The following HEATR5A variants were observed in gnomAD, a reference collection of about 807,000 sequenced individuals.
HEATR5A encodes the protein HEAT repeat-containing protein 5A.
Under a neutral mutation model 218.8 loss-of-function variants are expected in HEATR5A, and 178 were observed. That is an observed-to-expected ratio of 0.81 (90% CI 0.72 to 0.92). The LOEUF (loss-of-function observed/expected upper bound fraction) is 0.92. Ranked by LOEUF, HEATR5A falls within the 40% of genes least tolerant of loss-of-function variation. The pLI is 0.00. For missense variants in HEATR5A, 2,420 were observed against 2,418.9 expected, an observed-to-expected ratio of 1.00 and a Z score of -0.01; for synonymous variants, 864 against 871.6, an observed-to-expected ratio of 0.99 and a Z score of 0.15.
At chr14:31,348,498 G>C (rs1901095097) in intron 18 of HEATR5A, among the ~76,000 whole-genome samples, 1 of 152,116 alleles carries the variant, frequency 6.6e-6, no homozygotes, top group African/African-American at 2.4e-5. Flanking sequence ...CTGGAGTATT[G>C]CTGGAGTCCA....
chr14:31,305,295 C>T, intron 31 of HEATR5A, 118 bp from the exon 32 acceptor site: 4 of 1,037,898 alleles, frequency 3.9e-6, no homozygotes, highest in East Asian at 2.6e-5. Flanking sequence ...CAGAGTCTCG[C>T]TCTGTCACAC....
At position 31,394,691 on chromosome 14, in the gene HEATR5A, A is replaced by G. The variant is rs986470074; in HGVS notation, c.598-465T>C. ...AAATTAGCTGGGCATGGTGGCAGGC[A>G]CCTGTAGTCCTGGCTACTCAGGAGG... On this transcript the variant is annotated intron_variant, in intron 5 of 35. Transcript: ENST00000543095. Among the ~76,000 whole-genome samples, 6 of 152,110 alleles carry G rather than the reference A, an allele frequency of 3.9e-5. 1 individual carries two copies. The South Asian group carries it at 6.2e-4, about 16-fold the overall frequency.
Position 31,306,832 on chromosome 14 carries a change from G to A in HEATR5A, c.4866C>T (p.Thr1622=). The A allele has an allele frequency of 6.2e-7, 1 of 1,613,368 alleles. No individual in the cohort carries two copies. Among genetic ancestry groups the A allele is most frequent in the South Asian group, 1.1e-5 (1 of 91,016 alleles). The change falls in exon 31 of 36, where the codon ACC becomes ACT. Residue 1622 remains threonine, a synonymous_variant. Transcript: ENST00000543095. ...LLNVLHRVIL[T]RESPSIQLAS... Reference sequence around the variant, plus strand: ...CCAACTGAATGGAAGGTGATTCTCTGGTTAAAATTACTCGATGTAGAACAT... The same window carrying A: ...CCAACTGAATGGAAGGTGATTCTCTAGTTAAAATTACTCGATGTAGAACAT...
intron 21 of HEATR5A, among the ~76,000 whole-genome samples, chr14:31,337,818 T>C (rs1188133838): frequency 2.0e-5 from 3 of 152,180 alleles, no homozygotes; most frequent in Non-Finnish European, 1.5e-5. Flanking sequence ...ATAGGTAATA[T>C]GTGTACTAGA....
chr14:31,396,762 A>G (rs2030670384), intron 4 of HEATR5A, among the ~76,000 whole-genome samples: 1 of 152,236 alleles, frequency 6.6e-6, no homozygotes, highest in South Asian at 2.1e-4. Flanking sequence ...TACCTGATCA[A>G]CTAAATCAAA....
rs555563953 is a variant in HEATR5A, at chr14:31,343,080, T to C, written c.3228+816A>G. ...CAAGTCCAGATAGAAACTGGTGACA[T>C]GGTAAATCTTTTTTTTTTTTTTTTT... is the stretch of plus-strand genomic sequence containing the variant. On this transcript the variant is annotated intron_variant, in intron 21 of 35. Transcript: ENST00000543095. Among the ~76,000 whole-genome samples, 102 of 151,914 alleles carry C rather than the reference T, an allele frequency of 6.7e-4. 1 individual carries two copies. Among genetic ancestry groups the C allele is most frequent in the African/African-American group, 2.3e-3 (96 of 41,440 alleles).
chr14:31,379,423 G>T (rs2029895107), intron 11 of HEATR5A, among the ~76,000 whole-genome samples: 1 of 149,052 alleles, frequency 6.7e-6, no homozygotes, highest in Non-Finnish European at 1.5e-5. Flanking sequence ...GCTAATTTTT[G>T]TATTTTAGTA....
In HEATR5A at chr14:31,380,511, C is replaced by T. The variant is rs774501126; in HGVS notation, c.1664G>A (p.Arg555His). Reference sequence around the variant, plus strand: ...AATCAGCAACCATCCAGCTTGTGTGCGCTGAGCTGAAAGGCGACTGTTTTG... The same window carrying T: ...AATCAGCAACCATCCAGCTTGTGTGTGCTGAGCTGAAAGGCGACTGTTTTG... ...AAQNSRLSAQRTQAGWLLISA... is the reference protein window; with the variant it reads ...AAQNSRLSAQHTQAGWLLISA... The change falls in exon 11 of 36, where the codon CGC (arginine) becomes CAC (histidine). Residue 555 changes from arginine to histidine, a missense_variant. By Grantham distance (29) the Arg-to-His change is conservative. Transcript: ENST00000543095. The T allele has an allele frequency of 9.9e-6, 16 of 1,608,966 alleles. No homozygotes were observed. Among genetic ancestry groups the T allele is most frequent in the East Asian group, 2.2e-5 (1 of 44,798 alleles).
chr14:31,369,163 G>A (rs1901923427), intron 13 of HEATR5A, among the ~76,000 whole-genome samples: 1 of 151,984 alleles, frequency 6.6e-6, no homozygotes, highest in Non-Finnish European at 1.5e-5. Flanking sequence ...TGGGTGTGGT[G>A]GTGCACACCT....
intron 22 of HEATR5A, among the ~76,000 whole-genome samples, chr14:31,331,526 C>T (rs1416203252): frequency 6.6e-6 from 1 of 152,142 alleles, no homozygotes; most frequent in East Asian, 1.9e-4. Context: ...GCCCTCCAAA[C>T]CATTCCAACC....
chr14:31,373,981 C>T (rs1902132699), intron 12 of HEATR5A, among the ~76,000 whole-genome samples: 1 of 151,924 alleles, frequency 6.6e-6, no homozygotes, highest in Admixed American at 6.6e-5. Context: ...TAGCTTACTC[C>T]AAGAATACAG....
intron 26 of HEATR5A, 23 bp downstream of exon 26, chr14:31,318,201 A>AGCTT (rs1322366692): frequency 6.2e-7 from 1 of 1,603,354 alleles, no homozygotes; most frequent in Non-Finnish European, 8.5e-7. Context: ...TTATCTCTTA[A>AGCTT]GCTTCATCTT....
intron 11 of HEATR5A, among the ~76,000 whole-genome samples, chr14:31,375,818 T>C (rs1173200491): frequency 6.6e-6 from 1 of 152,198 alleles, no homozygotes; most frequent in Non-Finnish European, 1.5e-5. Flanking sequence ...CATTTATGAA[T>C]TGAAGGAATC....
At chr14:31,342,058 A>C (rs1289297300) in intron 21 of HEATR5A, among the ~76,000 whole-genome samples, 1 of 152,098 alleles carries the variant, frequency 6.6e-6, no homozygotes, top group Non-Finnish European at 1.5e-5. Flanking sequence ...CAGGAACAAA[A>C]GTTTCTATCA....
Position 31,420,538 on chromosome 14 carries a change from C to G in HEATR5A, c.-141G>C, listed in dbSNP as rs1367782447. The G allele has an allele frequency of 1.3e-5, 2 of 152,478 alleles. No homozygotes were observed. The highest frequency in any genetic ancestry group is 2.9e-5 in the Non-Finnish European group (2 of 68,270). The allele number at this position is 152,478 out of a possible 1,614,324, so 9.4% of individuals were successfully genotyped here. A position where few individuals can be genotyped will look rare whatever the true frequency, so the allele number is the denominator to read the frequency against. ...CAACGTTACCGGCTGCTCTGCTAACCCTAGCAGAGTCTGGAATTGCCGGCG... is the reference window on the plus strand; with the variant it reads ...CAACGTTACCGGCTGCTCTGCTAACGCTAGCAGAGTCTGGAATTGCCGGCG... On this transcript the variant is annotated 5_prime_UTR_variant, in exon 1 of 36. Coordinates refer to ENST00000543095, the MANE Select transcript of HEATR5A (RefSeq NM_015473.4).
rs373846019 is a variant in HEATR5A at position 31,293,312 on chromosome 14, A to T, written c.6134T>A (p.Phe2045Tyr). ...ACTATTCCAAAAAAAAAATCAGAGG[A>T]AACTGGTCTTTAATTGGATGCTTGA... ...KNSSIQLKTS[F>Y]L Residue 2045 changes from phenylalanine to tyrosine, a missense_variant, in exon 36 of 36, where the codon TTC (phenylalanine) becomes TAC (tyrosine). Coordinates refer to ENST00000543095, the MANE Select transcript of HEATR5A (RefSeq NM_015473.4). The T allele has an allele frequency of 2.0e-5, 32 of 1,579,388 alleles. No individual in the cohort carries two copies. The highest frequency in any genetic ancestry group is 2.2e-5 in the Non-Finnish European group (26 of 1,168,394).
intron 24 of HEATR5A, 116 bp from the exon 25 acceptor site, chr14:31,321,796 T>C: frequency 1.4e-6 from 1 of 723,652 alleles, no homozygotes; most frequent in South Asian, 2.0e-5. Context: ...ACCTCTGACT[T>C]GATATACTGT....
chr14:31,347,958 A>C, intron 18 of HEATR5A, 51 bp from the exon 19 acceptor site: 4 of 1,201,280 alleles, frequency 3.3e-6, no homozygotes, highest in South Asian at 4.4e-5. Context: ...AAGAAAAAAA[A>C]CACAAAAACT....
intron 22 of HEATR5A, among the ~76,000 whole-genome samples, 168 bp downstream of exon 22, chr14:31,337,308 C>T (rs1356735035): frequency 2.6e-5 from 4 of 152,190 alleles, no homozygotes; most frequent in African/African-American, 9.6e-5. Flanking sequence ...TGAGAACCAC[C>T]ACTCTAAATC....
Sources: gnomAD v4.1 joint callset for allele counts (sites outside exome capture counted in the v4.1 genomes callset) on GRCh38, gnomAD v4.1.1 for gene constraint, MANE v1.5 for transcripts, NCBI Gene and HGNC (gene_info 2026-07-23, HGNC 2026-07-21) for gene names.